RIN2: variants seen among roughly 807,000 people sequenced by gnomAD.
RIN2 encodes the protein Ras and Rab interactor 2, also known as RAB5 interacting protein 2.
RIN2 carries 36 observed loss-of-function variants against 78.0 expected under a neutral mutation model. The ratio of observed to expected loss-of-function variants is 0.46; its 90% CI spans 0.35 to 0.61. The LOEUF (loss-of-function observed/expected upper bound fraction) is 0.61. RIN2 is among the 20% of genes least tolerant of loss of function. The pLI, the probability that RIN2 is intolerant of heterozygous loss-of-function variation, is 0.00. For synonymous variants in RIN2, 466 were observed against 466.8 expected, an observed-to-expected ratio of 1.00 and a Z score of 0.02; for missense variants, 1,087 against 1,159.7, an observed-to-expected ratio of 0.94 and a Z score of 0.91.
chr20:19,974,503 G>T, intron 8 of RIN2, 151 bp from the exon 9 acceptor site: 2 of 738,990 alleles, frequency 2.7e-6, no homozygotes, highest in Non-Finnish European at 4.3e-6. Flanking sequence ...GCCCTTTCCA[G>T]TAAAGGAATG....
intron 2 of RIN2, among the ~76,000 whole-genome samples, chr20:19,853,075 T>C (rs1487383292): frequency 1.5e-5 from 2 of 137,464 alleles, no homozygotes; most frequent in African/African-American, 2.7e-5. Flanking sequence ...ATGTTCCCCT[T>C]CCTGTGTCCA....
At chr20:19,924,190 C>CTCCCACCTTCATACCCTCACCTTCATA (rs146441577) in intron 3 of RIN2, among the ~76,000 whole-genome samples, 1 of 53,866 alleles carries the variant, frequency 1.9e-5, no homozygotes. Flanking sequence ...CACCTTCATA[C>CTCCCACCTTCATACCCTCACCTTCATA]CCCACCTTCA....
At chr20:19,824,019 C>G (rs2036008476) in intron 2 of RIN2, 2 of 896,426 alleles carry the variant, frequency 2.2e-6, no homozygotes, top group Non-Finnish European at 3.4e-6. Flanking sequence ...TCCTCCGAGC[C>G]GAAAGCCGAG....
At chr20:19,906,168 G>A (rs1379931189) in intron 3 of RIN2, among the ~76,000 whole-genome samples, 1 of 152,210 alleles carries the variant, frequency 6.6e-6, no homozygotes, top group African/African-American at 2.4e-5. Context: ...CTGGAATAGT[G>A]GCTAGGCATG....
At chr20:19,847,456 G>T (rs2123146343) in intron 2 of RIN2, among the ~76,000 whole-genome samples, 1 of 152,260 alleles carries the variant, frequency 6.6e-6, no homozygotes. Context: ...GCAGTTAAAA[G>T]GGAGGTGCCT....
intron 3 of RIN2, among the ~76,000 whole-genome samples, chr20:19,895,443 T>A (rs2038677785): frequency 6.6e-6 from 1 of 152,128 alleles, no homozygotes; most frequent in Non-Finnish European, 1.5e-5. Context: ...GTGTGTAGAG[T>A]ACCCCCTTTC....
chr20:19,825,467 C>G (rs2036061891), intron 2 of RIN2, among the ~76,000 whole-genome samples: 1 of 152,208 alleles, frequency 6.6e-6, no homozygotes, highest in African/African-American at 2.4e-5. Flanking sequence ...CTCCCCTTCC[C>G]AGTCCTCTCT....
chr20:19,776,136 A>G (rs893850798), intron 1 of RIN2, among the ~76,000 whole-genome samples: 1 of 152,232 alleles, frequency 6.6e-6, no homozygotes, highest in Admixed American at 6.5e-5. Context: ...GGCCAAAGGC[A>G]TTCCAAAGTT....
At position 19,960,018 on chromosome 20, in the gene RIN2, G is replaced by C. The variant is rs149891066; in HGVS notation, c.352-682G>C. ...CTTGAGGGAACTGGTAGAATGTGAA[G>C]TGAGTCAGGAATAAATGGACAGCCT... On this transcript the variant is annotated intron_variant, in intron 5 of 12. Coordinates refer to ENST00000255006, the MANE Select transcript of RIN2 (RefSeq NM_018993.4). Among the ~76,000 whole-genome samples, 1,120 of 152,338 alleles carry C rather than the reference G, an allele frequency of 7.4e-3. 5 individuals are homozygous for C. Among genetic ancestry groups the C allele is most frequent in the Non-Finnish European group, 0.012 (810 of 68,034 alleles).
intron 3 of RIN2, among the ~76,000 whole-genome samples, chr20:19,891,364 T>C (rs1244615819): frequency 6.6e-6 from 1 of 152,136 alleles, no homozygotes; most frequent in Admixed American, 6.5e-5. Context: ...GATATTTATT[T>C]CCCCCTGTTA....
intron 4 of RIN2, among the ~76,000 whole-genome samples, chr20:19,950,044 C>G (rs1374486616): frequency 6.6e-6 from 1 of 152,214 alleles, no homozygotes; most frequent in Non-Finnish European, 1.5e-5. Context: ...TCTCTCATCC[C>G]ATACTCCAAA....
intron 11 of RIN2, 132 bp downstream of exon 11, chr20:19,992,431 C>T: frequency 3.6e-6 from 3 of 840,916 alleles, no homozygotes; most frequent in Non-Finnish European, 3.5e-6. Flanking sequence ...AGTATATTCA[C>T]AATGTCATGC....
chr20:19,895,643 C>T (rs1007105527), intron 3 of RIN2: 2 of 152,336 alleles, frequency 1.3e-5, no homozygotes, highest in Non-Finnish European at 2.9e-5. Flanking sequence ...TTCAAAGGCC[C>T]AGCCCAGCAG....
intron 4 of RIN2, among the ~76,000 whole-genome samples, chr20:19,948,965 G>C (rs183264882): frequency 6.7e-6 from 1 of 150,178 alleles, no homozygotes; most frequent in Non-Finnish European, 1.5e-5. Context: ...ACTGCACCAG[G>C]CCGTAATTTT....
rs1373368415 is a variant in RIN2 at position 19,869,058 on chromosome 20, G to T, written c.-36-20508G>T. On this transcript the variant is annotated intron_variant, in intron 2 of 12. Coordinates refer to ENST00000255006, the MANE Select transcript of RIN2 (RefSeq NM_018993.4). ...GATCACGCCACTGCACTCCAGCCTG[G>T]GTGACAGAGCAAGACTCCGTCTCAA... is the stretch of plus-strand genomic sequence containing the variant. 2.8e-5 allele frequency among the ~76,000 whole-genome samples: 4 copies of T among 142,714 alleles called. No homozygotes were observed. The East Asian group carries it at 8.1e-4, about 29-fold the overall frequency. The allele number at this position is 142,714 out of a possible 152,430, so 93.6% of individuals were successfully genotyped here. A position where few individuals can be genotyped will look rare whatever the true frequency, so the allele number is the denominator to read the frequency against.
intron 2 of RIN2, among the ~76,000 whole-genome samples, chr20:19,833,439 A>G (rs2036311273): frequency 6.6e-6 from 1 of 152,070 alleles, no homozygotes; most frequent in Admixed American, 6.5e-5. Context: ...AGGACCCGGT[A>G]TGTGTTGTTC....
rs61019165 is a variant in RIN2 at position 19,971,735 on chromosome 20, ATTTTTTTT to A, written c.628+823_628+830del. 2.2e-3 allele frequency among the ~76,000 whole-genome samples: 199 copies of A among 91,532 alleles called. 1 individual carries two copies. The highest frequency in any genetic ancestry group is 7.2e-3 in the Admixed American group (53 of 7,392). The allele number at this position is 91,532 out of a possible 152,430, so 60.0% of individuals were successfully genotyped here. A position where few individuals can be genotyped will look rare whatever the true frequency, so the allele number is the denominator to read the frequency against. ...TGAATTCCCTTCTGCTGAAACTGCA[ATTTTTTTT>A]TTTTTTTTTTTTTTTTGAGAGGGAG... On this transcript the variant is annotated intron_variant, in intron 8 of 12. Coordinates refer to ENST00000255006, the MANE Select transcript of RIN2 (RefSeq NM_018993.4).
At chr20:19,862,507 C>A (rs1194706693) in intron 2 of RIN2, among the ~76,000 whole-genome samples, 2 of 152,112 alleles carry the variant, frequency 1.3e-5, no homozygotes, top group Non-Finnish European at 2.9e-5. Flanking sequence ...GCAGGAGAAT[C>A]GCTTAAACTC....
intron 3 of RIN2, among the ~76,000 whole-genome samples, chr20:19,905,640 C>G (rs1012954341): frequency 1.3e-5 from 2 of 152,124 alleles, no homozygotes; most frequent in Non-Finnish European, 2.9e-5. Context: ...CCAGGTGCTC[C>G]TGGAGGCTGA....
Sources: allele counts gnomAD v4.1 joint callset (sites outside exome capture counted in the v4.1 genomes callset), GRCh38; gene constraint gnomAD v4.1.1; transcripts MANE v1.5; gene names NCBI Gene and HGNC (gene_info 2026-07-23, HGNC 2026-07-21).